Variants in SPTBN1 observed in about 807,000 individuals in gnomAD.
The protein encoded by SPTBN1 is spectrin beta, non-erythrocytic 1.
A neutral mutation model predicts 266.4 loss-of-function variants in SPTBN1; 32 were observed. The observed-to-expected ratio is 0.12, with a 90% CI of 0.09 to 0.16. The LOEUF (loss-of-function observed/expected upper bound fraction) is 0.16, where lower values mean the gene tolerates loss of function less well. Among genes scored for constraint, SPTBN1 ranks in the 10% least tolerant of loss-of-function variants. SPTBN1 has a pLI of 1.00. For synonymous variants in SPTBN1, 1,336 were observed against 1,162.2 expected (o/e 1.15, Z -3.04); for missense variants, 2,296 against 3,067.1 (o/e 0.75, Z 5.94).
At position 54,664,915 on chromosome 2, in the gene SPTBN1, G is replaced by T. The variant is rs976937916; in HGVS notation, c.6659+224G>T. 4 of 547,984 alleles carry T rather than the reference G, an allele frequency of 7.3e-6. No individual in the cohort carries two copies. The highest frequency in any genetic ancestry group is 1.3e-5 in the Non-Finnish European group (4 of 307,338). 33.9% of individuals were successfully genotyped at this position (547,984 alleles called of 1,614,324 possible). A position where few individuals can be genotyped will look rare whatever the true frequency, so the allele number is the denominator to read the frequency against. On this transcript the variant is annotated intron_variant, in intron 33 of 35. Transcript: ENST00000356805. The surrounding 1 kb of genome is among the most constrained non-coding windows in gnomAD (Gnocchi z 5.6). ...TGAGTTTGGATGGGAGTAGCTAGAA[G>T]GGGCTTTAGTAGTTCATCTAGAGAA... is the stretch of plus-strand genomic sequence containing the variant.
chr2:54,665,498 A>G (rs573810490), intron 33 of SPTBN1, among the ~76,000 whole-genome samples: 1 of 152,346 alleles, frequency 6.6e-6, no homozygotes, highest in African/African-American at 2.4e-5. Context: ...GCCAAGTCAC[A>G]TAAGTAATGA....
intron 2 of SPTBN1, among the ~76,000 whole-genome samples, chr2:54,590,888 T>C (rs1157254069): frequency 1.3e-5 from 2 of 152,174 alleles, no homozygotes; most frequent in Admixed American, 1.3e-4. Context: ...TTTGGTGCAG[T>C]GCTGCAACTT....
In SPTBN1 at chr2:54,653,848, G is replaced by A. The variant is rs1197270776; in HGVS notation, c.5817G>A (p.Lys1939=). 1.9e-6 allele frequency: 3 copies of A among 1,611,578 alleles called. No homozygotes were observed. Among genetic ancestry groups the A allele is most frequent in the Non-Finnish European group, 2.5e-6 (3 of 1,179,402 alleles). ...DVIRQIEAQE[K]PRDVSSVELL... Reference sequence around the variant, plus strand: ...TCCGGCAGATCGAGGCCCAGGAGAAGCCAAGGTAACGCTTTCAGCCCAAAG... The same window carrying A: ...TCCGGCAGATCGAGGCCCAGGAGAAACCAAGGTAACGCTTTCAGCCCAAAG... The change falls in exon 27 of 36, where the codon AAG becomes AAA. Residue 1939 remains lysine (K), a synonymous_variant. Transcript: ENST00000356805. The surrounding 1 kb of genome is among the most constrained non-coding windows in gnomAD (Gnocchi z 5.1).
intron 3 of SPTBN1, among the ~76,000 whole-genome samples, chr2:54,604,750 G>T (rs1022534989): frequency 5.9e-5 from 9 of 152,184 alleles, no homozygotes; most frequent in Non-Finnish European, 1.2e-4. Flanking sequence ...GACTAGACGG[G>T]ACCTTGGGAG....
intron 2 of SPTBN1, among the ~76,000 whole-genome samples, chr2:54,578,254 A>G (rs1389110883): frequency 6.6e-6 from 1 of 152,246 alleles, no homozygotes; most frequent in Non-Finnish European, 1.5e-5. Context: ...AGCAATGTTC[A>G]AAGGTGATGG....
At chr2:54,608,788 A>G (rs1473054376) in intron 3 of SPTBN1, among the ~76,000 whole-genome samples, 1 of 152,068 alleles carries the variant, frequency 6.6e-6, no homozygotes, top group Middle Eastern at 3.2e-3. Flanking sequence ...AAATCTTCCT[A>G]TGCATTTGAT....
chr2:54,557,164 C>A (rs1000452069), intron 2 of SPTBN1, among the ~76,000 whole-genome samples: 2 of 152,142 alleles, frequency 1.3e-5, no homozygotes, highest in African/African-American at 2.4e-5. Flanking sequence ...CAGCGTTGAG[C>A]AGTTAGCTAG....
chr2:54,592,103 A>G (rs1675721778), intron 2 of SPTBN1, among the ~76,000 whole-genome samples: 1 of 152,310 alleles, frequency 6.6e-6, no homozygotes, highest in Middle Eastern at 3.4e-3. Context: ...GGAGTCCAAA[A>G]TTACAGTGAG....
chr2:54,477,148 A>G (rs1479647965), intron 1 of SPTBN1, among the ~76,000 whole-genome samples: 7 of 152,218 alleles, frequency 4.6e-5, no homozygotes, highest in African/African-American at 1.2e-4. Context: ...ACTTTTGTCA[A>G]GAGGTATTAA....
At chr2:54,562,866 C>G (rs1673409845) in intron 2 of SPTBN1, among the ~76,000 whole-genome samples, 2 of 152,080 alleles carry the variant, frequency 1.3e-5, no homozygotes, top group African/African-American at 4.8e-5. Flanking sequence ...CCTAGAAATG[C>G]TTACCATTTT....
chr2:54,469,842 G>T (rs1193567731), intron 1 of SPTBN1, among the ~76,000 whole-genome samples: 1 of 152,218 alleles, frequency 6.6e-6, no homozygotes, highest in Non-Finnish European at 1.5e-5. Flanking sequence ...TGACAAGTCT[G>T]TGCTGCCAGT....
rs1673080541 is a variant in SPTBN1 at position 54,558,950 on chromosome 2, T to G, written c.148+32384T>G. ...CCAACGGGGGTTCTTGGAGGCTTTA[T>G]TTGTGACCCTAATGAAGACGGGCGG... On this transcript the variant is annotated intron_variant, in intron 2 of 35. Coordinates refer to ENST00000356805, the MANE Select transcript of SPTBN1 (RefSeq NM_003128.3). The surrounding 1 kb of genome is among the most constrained non-coding windows in gnomAD (Gnocchi z 4.6). 9 of 1,564,688 alleles carry G rather than the reference T, an allele frequency of 5.8e-6. No individual in the cohort carries two copies. The highest frequency in any genetic ancestry group is 7.0e-6 in the Non-Finnish European group (8 of 1,150,928).
intron 2 of SPTBN1, among the ~76,000 whole-genome samples, chr2:54,598,018 A>G (rs890782335): frequency 6.6e-6 from 1 of 152,122 alleles, no homozygotes; most frequent in African/African-American, 2.4e-5. Flanking sequence ...GTCAGGGAGT[A>G]AGAGTGGTTG....
intron 7 of SPTBN1, among the ~76,000 whole-genome samples, chr2:54,619,777 G>A (rs538448266): frequency 2.6e-5 from 4 of 152,250 alleles, no homozygotes; most frequent in African/African-American, 9.6e-5. Flanking sequence ...GCGGACACAG[G>A]AGCCCTGGGG....
chr2:54,551,399 T>G (rs1441221486), intron 2 of SPTBN1, among the ~76,000 whole-genome samples: 1 of 152,264 alleles, frequency 6.6e-6, no homozygotes, highest in African/African-American at 2.4e-5. Context: ...ACCACCTGTT[T>G]GGCAAAGCCA....
At chr2:54,621,576 C>T in intron 8 of SPTBN1, 64 bp downstream of exon 8, 1 of 1,352,998 alleles carries the variant, frequency 7.4e-7, no homozygotes, top group South Asian at 1.2e-5. Context: ...CCTCATTCTC[C>T]CATGCACTCA....
intron 2 of SPTBN1, among the ~76,000 whole-genome samples, chr2:54,546,252 C>T (rs1672232269): frequency 6.6e-6 from 1 of 152,182 alleles, no homozygotes. Context: ...TTATTCGTAA[C>T]AGCAAACTAT....
intron 26 of SPTBN1, 113 bp downstream of exon 26, chr2:54,650,102 T>A: frequency 7.3e-7 from 1 of 1,369,918 alleles, no homozygotes; most frequent in Non-Finnish European, 9.8e-7. Flanking sequence ...TTGCCCCAAT[T>A]AAGCACATAC....
intron 1 of SPTBN1, chr2:54,457,370 C>A: frequency 6.6e-6 from 1 of 152,588 alleles, no homozygotes; most frequent in Non-Finnish European, 1.5e-5. Flanking sequence ...TAGGGGGCGC[C>A]TTCTCTTTGT....
Sources: gnomAD v4.1 joint callset for allele counts (sites outside exome capture counted in the v4.1 genomes callset) on GRCh38, gnomAD v4.1.1 for gene constraint, Gnocchi (gnomAD v3.1) non-coding constraint, MANE v1.5 for transcripts, NCBI Gene and HGNC (gene_info 2026-07-23, HGNC 2026-07-21) for gene names.